Variants in ESRRB observed in about 807,000 individuals in gnomAD.
The protein encoded by ESRRB is estrogen related receptor beta, also known as steroid hormone receptor ERR2.
ESRRB carries 16 observed loss-of-function variants against 46.0 expected under a neutral mutation model. The observed-to-expected ratio is 0.35, with a 90% CI of 0.24 to 0.53. ESRRB has a LOEUF of 0.53. Among genes scored for constraint, ESRRB ranks in the 20% least tolerant of loss-of-function variants. The pLI is 0.93. For missense variants in ESRRB, 488 were observed against 607.4 expected (o/e 0.80, Z 2.07); for synonymous variants, 246 against 259.6 (o/e 0.95, Z 0.50).
chr14:76,422,202 C>T (rs1364062806), intron 1 of ESRRB, among the ~76,000 whole-genome samples: 1 of 139,834 alleles, frequency 7.2e-6, no homozygotes, highest in Non-Finnish European at 1.5e-5. Flanking sequence ...TGCCACATTT[C>T]CTTCTTTTTT....
chr14:76,458,452 ACACACAC>A (rs1888709105), intron 2 of ESRRB, among the ~76,000 whole-genome samples: 2 of 93,320 alleles, frequency 2.1e-5, no homozygotes, highest in African/African-American at 8.1e-5. Flanking sequence ...ACACACACAC[ACACACAC>A]ACACACACAC....
At chr14:76,472,784 G>A (rs573543543) in intron 3 of ESRRB, among the ~76,000 whole-genome samples, 1 of 152,346 alleles carries the variant, frequency 6.6e-6, no homozygotes, top group Non-Finnish European at 1.5e-5. Flanking sequence ...TCCTCCTGGA[G>A]ATGGGTCAGC....
chr14:76,332,884 T>TTATATATTTATATATTA (rs1555389353), intron 1 of ESRRB, among the ~76,000 whole-genome samples: 989 of 20,186 alleles, frequency 0.049, 167 homozygotes, highest in Non-Finnish European at 0.067. Context: ...TTTTTATATA[T>TTATATATTTATATATTA]TATATATTTA....
intron 1 of ESRRB, among the ~76,000 whole-genome samples, chr14:76,360,571 C>T (rs921891269): frequency 6.6e-6 from 1 of 152,202 alleles, no homozygotes; most frequent in African/African-American, 2.4e-5. Flanking sequence ...GAACATGACC[C>T]TGAGAATACC....
intron 5 of ESRRB, among the ~76,000 whole-genome samples, chr14:76,486,807 G>A (rs528362784): frequency 6.6e-6 from 1 of 152,240 alleles, no homozygotes; most frequent in African/African-American, 2.4e-5. Context: ...CCAGGGGCAC[G>A]GGGCACCCCC....
chr14:76,463,084 G>T, intron 3 of ESRRB: 1 of 259,104 alleles, frequency 3.9e-6, no homozygotes, highest in South Asian at 4.8e-5. Flanking sequence ...GTGAAGAATG[G>T]CATTTGTTTT....
At position 76,427,819 on chromosome 14, in the gene ESRRB, T is replaced by A. The variant is rs552461381; in HGVS notation, c.51-11522T>A. The stretch of plus-strand genomic sequence containing the variant: ...ATGAATACTATAATTCACATCCCCA[T>A]TTTACAGATGACAAAACTGAAGCAT... On this transcript the variant is annotated intron_variant, in intron 1 of 6. Coordinates refer to ENST00000644823, the MANE Select transcript of ESRRB (RefSeq NM_001379180.1). 2.5e-4 allele frequency among the ~76,000 whole-genome samples: 38 copies of A among 152,246 alleles called. No homozygotes were observed. In the Middle Eastern group the frequency reaches 0.01, roughly 41 times the overall value.
upstream of ESRRB, among the ~76,000 whole-genome samples, chr14:76,375,504 G>C (rs1327884473): frequency 6.6e-6 from 1 of 152,144 alleles, no homozygotes; most frequent in African/African-American, 2.4e-5. Flanking sequence ...CCAATGACTA[G>C]AGCATCACTT....
chr14:76,451,276 C>T (rs1888370279), intron 2 of ESRRB, among the ~76,000 whole-genome samples: 1 of 152,186 alleles, frequency 6.6e-6, no homozygotes, highest in Non-Finnish European at 1.5e-5. Flanking sequence ...GGCTTAGAAT[C>T]TCAGCTTCAC....
intron 3 of ESRRB, among the ~76,000 whole-genome samples, chr14:76,473,063 G>A (rs993289243): frequency 7.2e-5 from 11 of 152,158 alleles, no homozygotes; most frequent in African/African-American, 2.4e-4. Context: ...TGGGACTGGC[G>A]TCACAAGTTT....
chr14:76,333,133 T>C lies in ESRRB; in HGVS notation c.2+22217T>C, dbSNP rs1161756804. 5.7e-3 allele frequency among the ~76,000 whole-genome samples: 61 copies of C among 10,662 alleles called. 11 individuals carry two copies. Among genetic ancestry groups the C allele is most frequent in the African/African-American group, 0.019 (59 of 3,158 alleles). 7.0% of individuals were successfully genotyped at this position (10,662 alleles called of 152,430 possible). A position where few individuals can be genotyped will look rare whatever the true frequency, so the allele number is the denominator to read the frequency against. On this transcript the variant is annotated intron_variant, in intron 1 of 6. Transcript: ENST00000512784. ...TATAATATATAATATATATATTATATATTATATATTATATATTATATATAA... is the reference window on the plus strand; with the variant it reads ...TATAATATATAATATATATATTATACATTATATATTATATATTATATATAA...
At chr14:76,357,185 G>T (rs1884389223) in intron 1 of ESRRB, among the ~76,000 whole-genome samples, 1 of 152,260 alleles carries the variant, frequency 6.6e-6, no homozygotes, top group Non-Finnish European at 1.5e-5. Context: ...CGGGGCATGA[G>T]AGAGAAGAAT....
At chr14:76,480,995 G>A (rs1012418206) in intron 3 of ESRRB, among the ~76,000 whole-genome samples, 5 of 152,210 alleles carry the variant, frequency 3.3e-5, no homozygotes, top group African/African-American at 1.2e-4. Context: ...TCAAGGTAAG[G>A]ACTCCAAGAA....
chr14:76,445,466 C>CA (rs747627410), intron 2 of ESRRB, among the ~76,000 whole-genome samples: 6,214 of 79,612 alleles, frequency 0.078, 306 homozygotes, highest in East Asian at 0.23. Flanking sequence ...AACTCCGTCT[C>CA]AAAAAAAAAA....
rs572374744 is a variant in ESRRB at position 76,384,160 on chromosome 14, T to C, written c.50+7709T>C. ...ATGCAGAGCGCAGTATTTATCCTCT[T>C]ACTTTTAGCTTCACTCTTTGTCATT... On this transcript the variant is annotated intron_variant, in intron 1 of 6. Transcript: ENST00000644823. Among the ~76,000 whole-genome samples the C allele has an allele frequency of 1.6e-3, 244 of 152,276 alleles. 1 individual carries two copies. Among genetic ancestry groups the C allele is most frequent in the Non-Finnish European group, 2.9e-3 (196 of 68,010 alleles).
At chr14:76,424,789 T>G (rs1453488028) in intron 1 of ESRRB, among the ~76,000 whole-genome samples, 7 of 152,136 alleles carry the variant, frequency 4.6e-5, no homozygotes, top group African/African-American at 1.7e-4. Context: ...CAGACTGGAG[T>G]GCAGTGGCAC....
intron 1 of ESRRB, among the ~76,000 whole-genome samples, chr14:76,364,977 C>T (rs774771962): frequency 3.3e-5 from 5 of 152,176 alleles, no homozygotes; most frequent in South Asian, 2.1e-4. Context: ...ATAAGCTGTT[C>T]GGAACGAAGA....
chr14:76,483,443 T>A (rs1412683220), intron 5 of ESRRB, among the ~76,000 whole-genome samples: 1 of 152,164 alleles, frequency 6.6e-6, no homozygotes, highest in Non-Finnish European at 1.5e-5. Flanking sequence ...GCTTCTGAGA[T>A]TTTAAGGGCC....
chr14:76,376,379 C>T lies in ESRRB; in HGVS notation c.-23C>T. On this transcript the variant is annotated 5_prime_UTR_variant, in exon 1 of 7. Coordinates refer to ENST00000644823, the MANE Select transcript of ESRRB (RefSeq NM_001379180.1). The surrounding 1 kb of genome is among the most constrained non-coding windows in gnomAD (Gnocchi z 4.1). ...TTTCCCCGCCGTCTTTCTCTACCAACTGGGAATGCTAAAACGGGACTGATG... is the reference window on the plus strand; with the variant it reads ...TTTCCCCGCCGTCTTTCTCTACCAATTGGGAATGCTAAAACGGGACTGATG... 1 of 1,231,378 alleles carries T rather than the reference C, an allele frequency of 8.1e-7. No individual in the cohort carries two copies. Among genetic ancestry groups the T allele is most frequent in the Non-Finnish European group, 1.0e-6 (1 of 987,646 alleles). 76.3% of individuals were successfully genotyped at this position (1,231,378 alleles called of 1,614,324 possible).
Sources: gnomAD v4.1 joint callset for allele counts (sites outside exome capture counted in the v4.1 genomes callset) on GRCh38, gnomAD v4.1.1 for gene constraint, Gnocchi (gnomAD v3.1) non-coding constraint, MANE v1.5 for transcripts, NCBI Gene and HGNC (gene_info 2026-07-23, HGNC 2026-07-21) for gene names.